SEPTIN9: variants seen among roughly 807,000 people sequenced by gnomAD.
SEPTIN9 encodes the protein septin-9.
Under a neutral mutation model 56.6 loss-of-function variants are expected in SEPTIN9, and 13 were observed. That is an observed-to-expected ratio of 0.23 (90% CI 0.15 to 0.37). The LOEUF (loss-of-function observed/expected upper bound fraction) is 0.37, where lower values mean the gene tolerates loss of function less well. Among genes scored for constraint, SEPTIN9 ranks in the 10% least tolerant of loss-of-function variants. SEPTIN9 has a pLI of 1.00. For missense variants in SEPTIN9, 650 were observed against 823.1 expected (o/e 0.79, Z 2.57); for synonymous variants, 332 against 334.1 (o/e 0.99, Z 0.07).
At chr17:77,488,379 A>C in intron 6 of SEPTIN9, 58 bp downstream of exon 6, 2 of 1,478,148 alleles carry the variant, frequency 1.4e-6, no homozygotes, top group Non-Finnish European at 9.4e-7. Context: ...CCTGGACCCC[A>C]CCCAGAGTCA....
intron 3 of SEPTIN9, among the ~76,000 whole-genome samples, chr17:77,478,623 A>G (rs908862474): frequency 6.6e-6 from 1 of 152,142 alleles, no homozygotes; most frequent in African/African-American, 2.4e-5. Flanking sequence ...CCTGACCAGC[A>G]TGGAGAAACC....
intron 3 of SEPTIN9, chr17:77,444,789 G>T (rs1029620448): frequency 8.0e-6 from 2 of 250,568 alleles, no homozygotes; most frequent in Non-Finnish European, 1.6e-5. Context: ...ATAGTGAGAC[G>T]GGCGGACACC....
At chr17:77,488,591 C>G in intron 6 of SEPTIN9, 136 bp from the exon 7 acceptor site, 1 of 1,280,508 alleles carries the variant, frequency 7.8e-7, no homozygotes, top group Non-Finnish European at 1.1e-6. Context: ...GTGGCATCTC[C>G]GCTCAGCAAG....
intron 3 of SEPTIN9, chr17:77,470,607 C>T (rs2038956355): frequency 6.6e-6 from 1 of 152,264 alleles, no homozygotes; most frequent in African/African-American, 2.4e-5. Context: ...TTTGCTCATT[C>T]ATCCGCCAAC....
chr17:77,416,952 T>G (rs2036528723), intron 3 of SEPTIN9, among the ~76,000 whole-genome samples: 3 of 152,242 alleles, frequency 2.0e-5, no homozygotes, highest in Admixed American at 2.0e-4. Flanking sequence ...CATCTTGGTT[T>G]CCTCATCTGT....
intron 4 of SEPTIN9, chr17:77,482,617 G>T (rs2039505174): frequency 1.6e-6 from 1 of 641,324 alleles, no homozygotes; most frequent in East Asian, 2.7e-5. Flanking sequence ...ATGAGTGGTC[G>T]CTGCCTCTGA....
In SEPTIN9 at chr17:77,443,176, G is replaced by A. The variant is rs147747766; in HGVS notation, c.722-38968G>A. ...GTTTATGGTTGCTGTTGAAACCAGT[G>A]CAGGGCCCGATTGCTTTGTATTGAG... On this transcript the variant is annotated intron_variant, in intron 3 of 11. Coordinates refer to ENST00000427177, the MANE Select transcript of SEPTIN9 (RefSeq NM_001113491.2). Among the ~76,000 whole-genome samples, 1,015 of 152,180 alleles carry A rather than the reference G, an allele frequency of 6.7e-3. 14 individuals carry two copies. The highest frequency in any genetic ancestry group is 0.027 in the South Asian group (128 of 4,816).
rs568801818 is a variant in SEPTIN9 at position 77,311,525 on chromosome 17, C to T, written c.76+4328C>T. Among the ~76,000 whole-genome samples the T allele has an allele frequency of 4.6e-5, 7 of 152,310 alleles. No homozygotes were observed. The South Asian group carries it at 1.0e-3, about 23-fold the overall frequency. ...GGGGCAAGGCCTGGGCTGGTGCTCG[C>T]TGCCTCCCTTCATCCTATGCTAGTT... On this transcript the variant is annotated intron_variant, in intron 2 of 11. Transcript: ENST00000427177.
chr17:77,470,665 T>A (rs1270233222), intron 3 of SEPTIN9: 3 of 151,694 alleles, frequency 2.0e-5, no homozygotes, highest in Non-Finnish European at 4.4e-5. Flanking sequence ...CATTCATCCA[T>A]CTGTCCATCC....
chr17:77,379,688 C>A (rs1425406560), intron 2 of SEPTIN9, among the ~76,000 whole-genome samples: 1 of 152,230 alleles, frequency 6.6e-6, no homozygotes, highest in Admixed American at 6.5e-5. Flanking sequence ...TGCCAGCCAG[C>A]CAAATGCCCG....
At chr17:77,300,794 G>A (rs2032011068) in intron 1 of SEPTIN9, among the ~76,000 whole-genome samples, 1 of 68,010 alleles carries the variant, frequency 1.5e-5, no homozygotes, top group African/African-American at 6.1e-5. Context: ...AGCTCAAAGC[G>A]CCCCCATCCC....
At chr17:77,474,738 C>A (rs553440279) in intron 3 of SEPTIN9, among the ~76,000 whole-genome samples, 151 of 152,330 alleles carry the variant, frequency 9.9e-4, no homozygotes, top group African/African-American at 3.4e-3. Context: ...CGCTTACTCG[C>A]TTTGCGACCC....
At chr17:77,304,039 A>C (rs2032166332) in intron 1 of SEPTIN9, among the ~76,000 whole-genome samples, 1 of 152,180 alleles carries the variant, frequency 6.6e-6, no homozygotes, top group Admixed American at 6.5e-5. Flanking sequence ...CATAAAGATA[A>C]CTCACTTCTC....
chr17:77,322,779 T>G (rs2032985255), intron 2 of SEPTIN9: 1 of 152,376 alleles, frequency 6.6e-6, no homozygotes, highest in South Asian at 2.1e-4. Context: ...GGGGCTCTTC[T>G]TCTCTGCAGG....
rs758478142 is a variant in SEPTIN9, at chr17:77,389,035, G to A, written c.77-13024G>A. ...TGCCTGTGCCTGGCAGCTCTGTCCC[G>A]GGCCTCAGAACAGACACTGACCAAC... is the stretch of plus-strand genomic sequence containing the variant. On this transcript the variant is annotated intron_variant, in intron 2 of 11. Coordinates refer to ENST00000427177, the MANE Select transcript of SEPTIN9 (RefSeq NM_001113491.2). The surrounding 1 kb of genome is among the most constrained non-coding windows in gnomAD (Gnocchi z 4.3). Among the ~76,000 whole-genome samples the A allele has an allele frequency of 2.6e-5, 4 of 151,892 alleles. No individual in the cohort carries two copies. Among genetic ancestry groups the A allele is most frequent in the South Asian group, 2.1e-4 (1 of 4,814 alleles).
intron 2 of SEPTIN9, among the ~76,000 whole-genome samples, chr17:77,397,979 G>T (rs1267000586): frequency 1.4e-5 from 2 of 141,610 alleles, no homozygotes; most frequent in Non-Finnish European, 3.1e-5. Context: ...GGTTTTGGTT[G>T]TTTTTTTTTT....
intron 3 of SEPTIN9, among the ~76,000 whole-genome samples, chr17:77,432,702 G>A (rs28396941): frequency 8.5e-5 from 13 of 152,376 alleles, no homozygotes; most frequent in African/African-American, 2.4e-4. Context: ...TGGTGCCTGC[G>A]GCACTCACGC....
At chr17:77,409,852 G>A (rs1014573246) in intron 3 of SEPTIN9, among the ~76,000 whole-genome samples, 1 of 152,228 alleles carries the variant, frequency 6.6e-6, no homozygotes, top group Non-Finnish European at 1.5e-5. Context: ...AGCGCACTCA[G>A]ACTCCCCGCC....
intron 4 of SEPTIN9, among the ~76,000 whole-genome samples, chr17:77,486,487 G>GGTGTGTGTGTGTGTGT (rs773025304): frequency 1.4e-5 from 2 of 143,644 alleles, no homozygotes; most frequent in African/African-American, 5.4e-5. Context: ...AGTCTGGAGG[G>GGTGTGTGTGTGTGTGT]GTGTGTGTGT....
Sources: allele counts gnomAD v4.1 joint callset (sites outside exome capture counted in the v4.1 genomes callset), GRCh38; gene constraint gnomAD v4.1.1; non-coding constraint Gnocchi (gnomAD v3.1); transcripts MANE v1.5; gene names NCBI Gene and HGNC (gene_info 2026-07-23, HGNC 2026-07-21).